AATF: variants seen among roughly 807,000 people sequenced by gnomAD.
AATF encodes apoptosis antagonizing transcription factor.
AATF carries 48 observed loss-of-function variants against 63.7 expected under a neutral mutation model. The observed-to-expected ratio is 0.75, with a 90% CI of 0.60 to 0.96. The LOEUF (loss-of-function observed/expected upper bound fraction) is 0.96. Among genes scored for constraint, AATF ranks in the 40% least tolerant of loss-of-function variants. The probability of loss-of-function intolerance (pLI) is 0.00; values close to 1 mark genes in which losing one functional copy is unlikely to be tolerated. For missense variants in AATF, 639 were observed against 685.7 expected (o/e 0.93, Z 0.76); for synonymous variants, 258 against 247.7 (o/e 1.04, Z -0.39).
chr17:37,011,400 A>G (rs1320045494), intron 8 of AATF, among the ~76,000 whole-genome samples: 1 of 152,136 alleles, frequency 6.6e-6, no homozygotes, highest in African/African-American at 2.4e-5. Context: ...GTATGGGGTG[A>G]ATGAAGATGA....
chr17:36,995,527 A>AT (rs567546363), intron 8 of AATF, among the ~76,000 whole-genome samples: 38 of 152,126 alleles, frequency 2.5e-4, no homozygotes, highest in African/African-American at 8.4e-4. Context: ...GTGATATGAT[A>AT]TTTTTTATAT....
In AATF at chr17:36,988,503, C is replaced by G; in HGVS notation, c.948-16C>G. 6.2e-7 allele frequency: 1 copy of G among 1,612,388 alleles called. No homozygotes were observed. On this transcript the variant is annotated splice_polypyrimidine_tract_variant and intron_variant, in intron 5 of 11. Transcript: ENST00000619387. The stretch of plus-strand genomic sequence containing the variant: ...GTTTGTTTACACTGGACATAATATT[C>G]TTACTGCTTTTCTAGTGAGGAGATT...
intron 8 of AATF, among the ~76,000 whole-genome samples, chr17:37,014,266 A>G (rs567335294): frequency 4.1e-4 from 55 of 134,388 alleles, no homozygotes; most frequent in Non-Finnish European, 7.2e-4. Context: ...AGACTGTCTT[A>G]GTAATAATAA....
At chr17:37,032,931 G>A (rs1224743043) in intron 11 of AATF, among the ~76,000 whole-genome samples, 1 of 152,096 alleles carries the variant, frequency 6.6e-6, no homozygotes, top group Non-Finnish European at 1.5e-5. Context: ...TTTACCAAGT[G>A]AAATTATTGG....
intron 4 of AATF, among the ~76,000 whole-genome samples, chr17:36,986,033 T>C (rs937684055): frequency 6.6e-6 from 1 of 152,184 alleles, no homozygotes; most frequent in African/African-American, 2.4e-5. Context: ...GGTTTTCGTA[T>C]GTGAACAGGA....
chr17:37,021,865 T>C (rs1008358671), intron 10 of AATF, among the ~76,000 whole-genome samples: 1 of 151,066 alleles, frequency 6.6e-6, no homozygotes, highest in East Asian at 1.9e-4. Flanking sequence ...TATTGTCTTA[T>C]TGGTCCATTT....
At chr17:37,026,736 C>A (rs1382441993) in intron 10 of AATF, among the ~76,000 whole-genome samples, 1 of 152,122 alleles carries the variant, frequency 6.6e-6, no homozygotes, top group East Asian at 1.9e-4. Flanking sequence ...GGTCTGATTC[C>A]AGAGCCTGTT....
intron 4 of AATF, among the ~76,000 whole-genome samples, chr17:36,959,935 C>G (rs1337454383): frequency 6.6e-6 from 1 of 152,112 alleles, no homozygotes; most frequent in African/African-American, 2.4e-5. Flanking sequence ...ACCCTGTTAT[C>G]TTCCCATTTC....
chr17:36,960,076 C>T (rs999148387), intron 4 of AATF, among the ~76,000 whole-genome samples: 4 of 151,704 alleles, frequency 2.6e-5, no homozygotes, highest in Admixed American at 2.0e-4. Context: ...TGCAGTGGTG[C>T]GACCTTGGCT....
chr17:36,983,078 A>G (rs546894136), intron 4 of AATF, among the ~76,000 whole-genome samples: 46 of 151,904 alleles, frequency 3.0e-4, no homozygotes, highest in African/African-American at 6.8e-4. Flanking sequence ...ATGTTGTTCT[A>G]TCACCCAAGC....
Position 37,027,887 on chromosome 17 carries a change from G to A in AATF, c.1548-3727G>A, listed in dbSNP as rs117619399. On this transcript the variant is annotated intron_variant, in intron 10 of 11. Coordinates refer to ENST00000619387, the MANE Select transcript of AATF (RefSeq NM_012138.4). ...TTTGTCCAGAAAGTGAATTAAAGCCGTCTCTGGACACAGCCAAGAATAGTA... is the reference window on the plus strand; with the variant it reads ...TTTGTCCAGAAAGTGAATTAAAGCCATCTCTGGACACAGCCAAGAATAGTA... Among the ~76,000 whole-genome samples, 127 of 152,264 alleles carry A rather than the reference G, an allele frequency of 8.3e-4. No homozygotes were observed. In the East Asian group the frequency reaches 0.018, roughly 22 times the overall value.
intron 8 of AATF, among the ~76,000 whole-genome samples, chr17:37,001,361 A>T (rs2071293125): frequency 7.1e-6 from 1 of 140,634 alleles, no homozygotes; most frequent in Non-Finnish European, 1.5e-5. Context: ...GGAAGGAGAA[A>T]GAGAGAGAGG....
At chr17:37,023,581 A>G (rs570259404) in intron 10 of AATF, among the ~76,000 whole-genome samples, 16 of 138,288 alleles carry the variant, frequency 1.2e-4, no homozygotes, top group Admixed American at 3.5e-4. Flanking sequence ...AAAAAGAGGC[A>G]TTCTTTTTAA....
intron 8 of AATF, among the ~76,000 whole-genome samples, chr17:37,003,471 C>CTTT (rs1163393533): frequency 0.025 from 2,413 of 96,600 alleles, 262 homozygotes; most frequent in African/African-American, 0.11. Context: ...TTGACAAGAA[C>CTTT]TTTTTTTTTT....
At chr17:36,988,086 G>A (rs2071182798) in intron 5 of AATF, among the ~76,000 whole-genome samples, 1 of 152,202 alleles carries the variant, frequency 6.6e-6, no homozygotes, top group Admixed American at 6.5e-5. Context: ...GGCCGAGGCA[G>A]GTGGATCACT....
chr17:36,995,020 T>A lies in AATF; in HGVS notation c.1398+4163T>A, dbSNP rs1297091858. Among the ~76,000 whole-genome samples, 3 of 152,236 alleles carry A rather than the reference T, an allele frequency of 2.0e-5. No individual in the cohort carries two copies. The East Asian group carries it at 5.8e-4, about 29-fold the overall frequency. ...TCCCAGATCGCAAACTAGTTTCTTGTCACTTCATGCGATATTTTGTTCTGA... is the reference window on the plus strand; with the variant it reads ...TCCCAGATCGCAAACTAGTTTCTTGACACTTCATGCGATATTTTGTTCTGA... On this transcript the variant is annotated intron_variant, in intron 8 of 11. Coordinates refer to ENST00000619387, the MANE Select transcript of AATF (RefSeq NM_012138.4).
intron 4 of AATF, among the ~76,000 whole-genome samples, chr17:36,973,236 A>G (rs1339840839): frequency 1.3e-5 from 2 of 152,188 alleles, no homozygotes; most frequent in East Asian, 1.9e-4. Context: ...AGAGGGGGCT[A>G]TGGTGAAAAA....
intron 10 of AATF, 76 bp from the exon 11 acceptor site, chr17:37,031,538 T>G (rs2071551832): frequency 8.3e-7 from 1 of 1,204,724 alleles, no homozygotes; most frequent in East Asian, 2.3e-5. Context: ...TGGAGTTTGT[T>G]AACTCACTGA....
chr17:37,031,379 C>T (rs1042346562), intron 10 of AATF: 17 of 549,674 alleles, frequency 3.1e-5, no homozygotes, highest in East Asian at 1.2e-4. Flanking sequence ...CTTGAGCATC[C>T]GTGGATTTTT....
Sources: allele counts gnomAD v4.1 joint callset (sites outside exome capture counted in the v4.1 genomes callset), GRCh38; gene constraint gnomAD v4.1.1; transcripts MANE v1.5; gene names NCBI Gene and HGNC (gene_info 2026-07-23, HGNC 2026-07-21).